The following SYNE1 variants were observed in gnomAD, a reference collection of about 807,000 sequenced individuals.
The protein encoded by SYNE1 is spectrin repeat containing nuclear envelope protein 1.
A neutral mutation model predicts 1,111.0 loss-of-function variants in SYNE1; 616 were observed. The observed-to-expected ratio is 0.55, with a 90% confidence interval of 0.52 to 0.59. The LOEUF (loss-of-function observed/expected upper bound fraction) is 0.59, where lower values mean the gene tolerates loss of function less well. Among genes scored for constraint, SYNE1 ranks in the 20% least tolerant of loss-of-function variants. The probability of loss-of-function intolerance (pLI) is 0.00; values close to 1 mark genes in which losing one functional copy is unlikely to be tolerated. For missense variants in SYNE1, 10,006 were observed against 10,417.0 expected, an observed-to-expected ratio of 0.96 and a Z score of 1.72; for synonymous variants, 3,855 against 3,825.8, an observed-to-expected ratio of 1.01 and a Z score of -0.28.
At chr6:152,477,893 G>T (rs1471587971) in intron 14 of SYNE1, among the ~76,000 whole-genome samples, 1 of 152,124 alleles carries the variant, frequency 6.6e-6, no homozygotes, top group Non-Finnish European at 1.5e-5. Context: ...AGCCTCCCGA[G>T]TAGCTGGGAC....
At chr6:152,454,943 A>G (rs1447701389) in intron 24 of SYNE1, among the ~76,000 whole-genome samples, 2 of 152,186 alleles carry the variant, frequency 1.3e-5, no homozygotes, top group Non-Finnish European at 2.9e-5. Context: ...TATTGAGATG[A>G]TAAACATGAA....
chr6:152,321,885 T>C lies in SYNE1; in HGVS notation c.15919A>G (p.Met5307Val). The C allele has an allele frequency of 6.2e-7, 1 of 1,614,076 alleles. No homozygotes were observed. The highest frequency in any genetic ancestry group is 1.1e-5 in the South Asian group (1 of 91,076). ...ITAMQDRCLNMQEKVKTNGKL... is the reference protein window; with the variant it reads ...ITAMQDRCLNVQEKVKTNGKL... ...CCATTAGTCTTCACTTTCTCCTGCA[T>C]GCTTCAGAAACATTACAGGGATAAA... The change falls in exon 83 of 146, where the codon ATG becomes GTG. Residue 5307 changes from methionine to valine, a missense_variant and splice_region_variant. By Grantham distance (21) the Met-to-Val change is conservative (BLOSUM62 1). This residue lies in a region of SYNE1 where 4,955 missense variants were observed against 5,017.2 expected (regional missense o/e 0.99). Coordinates refer to ENST00000367255, the MANE Select transcript of SYNE1 (RefSeq NM_182961.4).
intron 104 of SYNE1, among the ~76,000 whole-genome samples, chr6:152,252,825 T>G (rs1273859047): frequency 6.6e-6 from 1 of 152,226 alleles, no homozygotes; most frequent in Non-Finnish European, 1.5e-5. Context: ...ATAGAGAACG[T>G]GATTTAAAGA....
intron 4 of SYNE1, among the ~76,000 whole-genome samples, chr6:152,537,385 T>C (rs2099248499): frequency 6.6e-6 from 1 of 151,848 alleles, no homozygotes; most frequent in Non-Finnish European, 1.5e-5. Flanking sequence ...ACACAGAAAA[T>C]CCTTAGGTTT....
chr6:152,486,227 A>T (rs2098939616), intron 12 of SYNE1, among the ~76,000 whole-genome samples: 1 of 152,116 alleles, frequency 6.6e-6, no homozygotes, highest in Non-Finnish European at 1.5e-5. Context: ...AACAACAAAA[A>T]AATAAATTTA....
chr6:152,626,930 G>A (rs2099687030), intron 3 of SYNE1, among the ~76,000 whole-genome samples: 1 of 152,200 alleles, frequency 6.6e-6, no homozygotes, highest in South Asian at 2.1e-4. Context: ...TTACTGCTAT[G>A]CACAGCAAAT....
rs958322388 is a variant in SYNE1 at position 152,178,905 on chromosome 6, C to A, written c.23460+1231G>T. On this transcript the variant is annotated intron_variant, in intron 129 of 145. Coordinates refer to ENST00000367255, the MANE Select transcript of SYNE1 (RefSeq NM_182961.4). ...CTGTGGAAACAACACTGAAATCACC[C>A]AATTCTTTTTTTTTTTTTTTTTTTT... Among the ~76,000 whole-genome samples, 59 of 146,166 alleles carry A rather than the reference C, an allele frequency of 4.0e-4. 1 individual carries two copies. Among genetic ancestry groups the A allele is most frequent in the Non-Finnish European group, 1.5e-4 (10 of 67,512 alleles).
intron 127 of SYNE1, among the ~76,000 whole-genome samples, chr6:152,201,530 T>C (rs994191903): frequency 6.6e-6 from 1 of 151,558 alleles, no homozygotes; most frequent in African/African-American, 2.4e-5. Flanking sequence ...GACTCCCCAG[T>C]GTGGATGCTT....
intron 127 of SYNE1, among the ~76,000 whole-genome samples, chr6:152,195,836 G>T (rs925183723): frequency 6.6e-6 from 1 of 151,482 alleles, no homozygotes; most frequent in Admixed American, 6.6e-5. Context: ...GTTTGGTCAA[G>T]GCCCTAGGCC....
chr6:152,323,539 T>C lies in SYNE1; in HGVS notation c.15856A>G (p.Thr5286Ala), dbSNP rs1370474015. The C allele has an allele frequency of 1.9e-6, 3 of 1,614,158 alleles. No individual in the cohort carries two copies. The highest frequency in any genetic ancestry group is 2.2e-5 in the East Asian group (1 of 44,876). ...ATGAGCGGAGGCTCTTCCCCAGGGG[T>C]TGGGGCGGCTCCATCCTGGAGCATG... Reference protein sequence around the residue: ...LSMLQDGAAPTPGEEPPLMQE... With the variant: ...LSMLQDGAAPAPGEEPPLMQE... The change falls in exon 82 of 146, where the codon ACC becomes GCC. Residue 5286 changes from threonine (T) to alanine (A), a missense_variant. Physicochemically the swap from Thr to Ala is moderately conservative, Grantham distance 58. This residue lies in a region of SYNE1 where 4,955 missense variants were observed against 5,017.2 expected (regional missense o/e 0.99). Coordinates refer to ENST00000367255, the MANE Select transcript of SYNE1 (RefSeq NM_182961.4).
chr6:152,317,611 A>T (rs1212694893), intron 86 of SYNE1, among the ~76,000 whole-genome samples: 1 of 151,876 alleles, frequency 6.6e-6, no homozygotes, highest in Admixed American at 6.6e-5. Context: ...TGGGTTACCA[A>T]CTCCTGGTTT....
At chr6:152,313,118 C>T (rs974284574) in intron 87 of SYNE1, among the ~76,000 whole-genome samples, 5 of 152,194 alleles carry the variant, frequency 3.3e-5, no homozygotes, top group African/African-American at 1.2e-4. Flanking sequence ...TCTGCAAGGG[C>T]CTGTGACAAA....
chr6:152,589,905 A>G (rs1378443637), intron 3 of SYNE1, among the ~76,000 whole-genome samples: 1 of 150,662 alleles, frequency 6.6e-6, no homozygotes, highest in Non-Finnish European at 1.5e-5. Flanking sequence ...CAGAGGAACC[A>G]GAACCAATTT....
intron 3 of SYNE1, among the ~76,000 whole-genome samples, chr6:152,564,981 A>T (rs1398501312): frequency 6.6e-6 from 1 of 152,246 alleles, no homozygotes; most frequent in Non-Finnish European, 1.5e-5. Flanking sequence ...GTATTCATTC[A>T]TCAATAAATG....
chr6:152,210,821 G>A (rs1254045648), intron 124 of SYNE1, among the ~76,000 whole-genome samples: 1 of 150,332 alleles, frequency 6.7e-6, no homozygotes, highest in Non-Finnish European at 1.5e-5. Flanking sequence ...CTGGGGAGAA[G>A]CTAAATTTTT....
rs551789799 is a variant in SYNE1 at position 152,214,294 on chromosome 6, T to C, written c.22347-535A>G. ...AAATTATGTATATACTTTTAATATA[T>C]TCTCACTTAAAAGAGTTTTCTGATT... On this transcript the variant is annotated intron_variant, in intron 122 of 145. Transcript: ENST00000367255. Among the ~76,000 whole-genome samples the C allele has an allele frequency of 3.9e-5, 6 of 152,288 alleles. No individual in the cohort carries two copies. In the East Asian group the frequency reaches 1.2e-3, roughly 29 times the overall value.
At position 152,456,056 on chromosome 6, in the gene SYNE1, T is replaced by A. The variant is rs755628634; in HGVS notation, c.2569-12A>T. 6.2e-7 allele frequency: 1 copy of A among 1,610,974 alleles called. No individual in the cohort carries two copies. ...CAAGCTAACAGTTCCTATAACGAAA[T>A]GAAACCCCACAACAATGTTATTTAC... On this transcript the variant is annotated splice_polypyrimidine_tract_variant and intron_variant, in intron 22 of 145. Transcript: ENST00000367255.
intron 3 of SYNE1, among the ~76,000 whole-genome samples, chr6:152,571,318 C>T (rs1273941840): frequency 6.6e-6 from 1 of 152,140 alleles, no homozygotes; most frequent in Non-Finnish European, 1.5e-5. Context: ...TAGCTGAGAA[C>T]TGGCACTTGT....
chr6:152,128,947 C>T (rs1018454412), intron 145 of SYNE1: 1 of 152,240 alleles, frequency 6.6e-6, no homozygotes, highest in Non-Finnish European at 1.5e-5. Context: ...TGTTGGATGA[C>T]GTTTGCCATT....
Sources: allele counts gnomAD v4.1 joint callset (sites outside exome capture counted in the v4.1 genomes callset), GRCh38; gene constraint gnomAD v4.1.1; regional missense constraint gnomAD v4.1.1; transcripts MANE v1.5; gene names NCBI Gene and HGNC (gene_info 2026-07-23, HGNC 2026-07-21).